Variants in LRRC37A2 observed in about 807,000 individuals in gnomAD.
LRRC37A2 encodes leucine rich repeat containing 37 member A2, also known as leucine-rich repeat-containing protein 37A2.
LRRC37A2 carries 9 observed loss-of-function variants against 68.8 expected under a neutral mutation model. The ratio of observed to expected loss-of-function variants is 0.13; its 90% CI spans 0.08 to 0.23. The LOEUF (loss-of-function observed/expected upper bound fraction) is 0.23. Ranked by LOEUF, LRRC37A2 falls within the 10% of genes least tolerant of loss-of-function variation. The pLI, the probability that LRRC37A2 is intolerant of heterozygous loss-of-function variation, is 1.00. For synonymous variants in LRRC37A2, 63 were observed against 367.6 expected (o/e 0.17, Z 9.48); for missense variants, 168 against 950.4 (o/e 0.18, Z 10.82).
chr17:46,940,006 C>T, the LRRC37A2 span: 8 of 1,009,012 alleles, frequency 7.9e-6, no homozygotes, highest in Non-Finnish European at 9.5e-6. Flanking sequence ...ATCTGGAAAC[C>T]GGCTCAGTAT....
At chr17:46,946,598 C>G in the LRRC37A2 span, among the ~76,000 whole-genome samples, 1 of 151,976 alleles carries the variant, frequency 6.6e-6, no homozygotes, top group African/African-American at 2.4e-5. Context: ...CATGGTGGCT[C>G]CCACCTTTAA....
chr17:46,839,843 A>C, the LRRC37A2 span, among the ~76,000 whole-genome samples: 7 of 152,164 alleles, frequency 4.6e-5, no homozygotes, highest in Non-Finnish European at 7.3e-5. Flanking sequence ...GTGTCCCTGC[A>C]AAGGACATGA....
At position 46,534,751 on chromosome 17, in the gene LRRC37A2, C is replaced by T. The variant is rs1476654686; in HGVS notation, c.2907-5425C>T. On this transcript the variant is annotated intron_variant, in intron 6 of 14. Coordinates refer to ENST00000576629, the Ensembl canonical transcript of LRRC37A2. ...GGGTGGCGGCCGGGCAGAGGGGCTC[C>T]TCACTTCCCAGAAGGGGCAGCCGGG... Among the ~76,000 whole-genome samples the T allele has an allele frequency of 1.3e-5, 2 of 150,016 alleles. 1 individual carries two copies. The highest frequency in any genetic ancestry group is 5.0e-5 in the African/African-American group (2 of 39,660).
the LRRC37A2 span, among the ~76,000 whole-genome samples, chr17:46,814,990 C>T: frequency 2.0e-5 from 3 of 152,170 alleles, no homozygotes; most frequent in Non-Finnish European, 2.9e-5. Context: ...TGAGGCAGGG[C>T]AGGCTGGGGA....
At chr17:46,392,415 CTCTCTCTTTCTT>C in the LRRC37A2 span, among the ~76,000 whole-genome samples, 804 of 56,032 alleles carry the variant, frequency 0.014, 47 homozygotes, top group Middle Eastern at 0.073. Flanking sequence ...TTCTTTCTCT[CTCTCTCTTTCTT>C]TCTCTCTTTC....
chr17:46,621,212 A>G, the LRRC37A2 span, among the ~76,000 whole-genome samples: 1 of 149,792 alleles, frequency 6.7e-6, no homozygotes, highest in Non-Finnish European at 1.5e-5. Context: ...TTCTGACTTA[A>G]TTGCAGCAAT....
the LRRC37A2 span, among the ~76,000 whole-genome samples, chr17:46,747,207 G>A: frequency 6.6e-6 from 1 of 152,068 alleles, no homozygotes; most frequent in Non-Finnish European, 1.5e-5. Flanking sequence ...AAAACAAATT[G>A]GAAAAAGGGG....
At chr17:47,000,068 AT>A in the LRRC37A2 span, among the ~76,000 whole-genome samples, 6 of 13,186 alleles carry the variant, frequency 4.6e-4, no homozygotes, top group East Asian at 3.3e-3. Flanking sequence ...TAAAATTAAA[AT>A]AAAATAAAAA....
At chr17:46,817,450 T>A in the LRRC37A2 span, among the ~76,000 whole-genome samples, 1 of 152,280 alleles carries the variant, frequency 6.6e-6, no homozygotes, top group Non-Finnish European at 1.5e-5. Context: ...TGTAGGGGGC[T>A]GGAGACTGGG....
At chr17:46,900,497 G>A in the LRRC37A2 span, among the ~76,000 whole-genome samples, 14 of 152,216 alleles carry the variant, frequency 9.2e-5, no homozygotes, top group African/African-American at 3.4e-4. Flanking sequence ...TGATGCACCC[G>A]CCTTGGCCTC....
the LRRC37A2 span, among the ~76,000 whole-genome samples, chr17:46,973,932 C>T: frequency 6.6e-6 from 1 of 152,218 alleles, no homozygotes; most frequent in African/African-American, 2.4e-5. Flanking sequence ...ACCCCCAAAG[C>T]TCAAGGCTTC....
chr17:46,703,414 T>G, the LRRC37A2 span, among the ~76,000 whole-genome samples: 1 of 118,278 alleles, frequency 8.5e-6, no homozygotes, highest in Non-Finnish European at 1.7e-5. Flanking sequence ...CCGGGCGTGG[T>G]GGCTCACGCC....
the LRRC37A2 span, among the ~76,000 whole-genome samples, chr17:46,610,043 CTTTCTT>C: frequency 1.2e-3 from 89 of 73,914 alleles, 5 homozygotes; most frequent in Admixed American, 7.5e-3. Context: ...CTCTCTCTCT[CTTTCTT>C]TCTTTCTTTC....
chr17:46,896,446 GAAA>G, the LRRC37A2 span, among the ~76,000 whole-genome samples: 1 of 86,476 alleles, frequency 1.2e-5, no homozygotes, highest in African/African-American at 8.8e-5. Context: ...AAGAAAGAAA[GAAA>G]GAAAAAGAAA....
chr17:46,458,837 G>A, the LRRC37A2 span, among the ~76,000 whole-genome samples: 2 of 107,622 alleles, frequency 1.9e-5, no homozygotes, highest in East Asian at 2.4e-4. Flanking sequence ...CACCGTGCCC[G>A]GCCTCCCATG....
chr17:46,725,128 A>G, the LRRC37A2 span, among the ~76,000 whole-genome samples: 2 of 152,216 alleles, frequency 1.3e-5, no homozygotes, highest in Non-Finnish European at 1.5e-5. Flanking sequence ...TCAATAATAT[A>G]TATACGTAAT....
At chr17:46,850,424 G>T in the LRRC37A2 span, among the ~76,000 whole-genome samples, 1 of 152,102 alleles carries the variant, frequency 6.6e-6, no homozygotes, top group East Asian at 1.9e-4. Context: ...CACCTAACAC[G>T]GTAGCCACCA....
chr17:46,836,215 C>G, the LRRC37A2 span, among the ~76,000 whole-genome samples: 1 of 151,768 alleles, frequency 6.6e-6, no homozygotes, highest in African/African-American at 2.4e-5. Flanking sequence ...ACCCTTACCC[C>G]CTTTCCAAGG....
chr17:46,984,837 A>G, the LRRC37A2 span, among the ~76,000 whole-genome samples: 1 of 152,212 alleles, frequency 6.6e-6, no homozygotes, highest in Non-Finnish European at 1.5e-5. Flanking sequence ...GAATGATTTT[A>G]TTTGCATATT....
Sources: allele counts gnomAD v4.1 joint callset (sites outside exome capture counted in the v4.1 genomes callset), GRCh38; gene constraint gnomAD v4.1.1; transcripts MANE v1.5; gene names NCBI Gene and HGNC (gene_info 2026-07-23, HGNC 2026-07-21).